The following GRIA4 variants were observed in gnomAD, a reference collection of about 807,000 sequenced individuals.
GRIA4 encodes the protein glutamate receptor 4.
A neutral mutation model predicts 104.0 loss-of-function variants in GRIA4; 34 were observed. That is an observed-to-expected ratio of 0.33 (90% CI 0.25 to 0.44). The LOEUF (loss-of-function observed/expected upper bound fraction) is 0.44, where lower values mean the gene tolerates loss of function less well. Among genes scored for constraint, GRIA4 ranks in the 20% least tolerant of loss-of-function variants. The pLI is 1.00. For missense variants in GRIA4, 750 were observed against 1,096.5 expected (o/e 0.68, Z 4.46); for synonymous variants, 386 against 381.9 (o/e 1.01, Z -0.13).
intron 3 of GRIA4, among the ~76,000 whole-genome samples, chr11:105,665,760 G>A (rs894950845): frequency 3.9e-5 from 6 of 152,010 alleles, no homozygotes; most frequent in Non-Finnish European, 2.9e-5. Context: ...GACCCCAGGA[G>A]CATTCAGATA....
intron 4 of GRIA4, among the ~76,000 whole-genome samples, chr11:105,787,044 C>T (rs890778060): frequency 4.3e-4 from 65 of 152,228 alleles, no homozygotes; most frequent in Admixed American, 5.9e-4. Context: ...TTAAACTTTA[C>T]GGTGATTTCC....
In GRIA4 at chr11:105,803,515, G is replaced by A. The variant is rs528395226; in HGVS notation, c.487+50295G>A. ...AAAGTTATTAATTATACATATTAATGTGAAAATTACATTACACTAAAAAGT... is the reference window on the plus strand; with the variant it reads ...AAAGTTATTAATTATACATATTAATATGAAAATTACATTACACTAAAAAGT... On this transcript the variant is annotated intron_variant, in intron 4 of 16. Transcript: ENST00000282499. Among the ~76,000 whole-genome samples, 334 of 151,974 alleles carry A rather than the reference G, an allele frequency of 2.2e-3. 1 individual carries two copies. The highest frequency in any genetic ancestry group is 4.1e-3 in the Non-Finnish European group (277 of 67,898).
chr11:105,763,101 T>C (rs74498667), intron 4 of GRIA4, among the ~76,000 whole-genome samples: 1,844 of 152,256 alleles, frequency 0.012, 41 homozygotes, highest in African/African-American at 0.042. Flanking sequence ...AAATATTAGG[T>C]TCAAAGGAGT....
At chr11:105,688,732 C>T (rs1952982264) in intron 3 of GRIA4, among the ~76,000 whole-genome samples, 1 of 152,066 alleles carries the variant, frequency 6.6e-6, no homozygotes, top group Non-Finnish European at 1.5e-5. Flanking sequence ...GTACAATTTA[C>T]CCATCATTCC....
At chr11:105,817,963 C>G (rs1591302370) in intron 4 of GRIA4, among the ~76,000 whole-genome samples, 2 of 151,686 alleles carry the variant, frequency 1.3e-5, no homozygotes, top group South Asian at 2.1e-4. Flanking sequence ...GAACACAGAG[C>G]AGAGATAAAA....
chr11:105,759,358 G>A (rs550609024), intron 4 of GRIA4, among the ~76,000 whole-genome samples: 2 of 152,036 alleles, frequency 1.3e-5, no homozygotes, highest in Non-Finnish European at 2.9e-5. Context: ...ATATAAATTC[G>A]TGATAGCTTA....
In GRIA4 at chr11:105,847,630, T is replaced by C. The variant is rs548112743; in HGVS notation, c.488-14394T>C. On this transcript the variant is annotated intron_variant, in intron 4 of 16. Transcript: ENST00000282499. Reference sequence around the variant, plus strand: ...AAGTGGCAGGATAAGACATTTTATTTTGAATGCTGAAAAATTTACAGAAAA... The same window carrying C: ...AAGTGGCAGGATAAGACATTTTATTCTGAATGCTGAAAAATTTACAGAAAA... Among the ~76,000 whole-genome samples, 121 of 152,320 alleles carry C rather than the reference T, an allele frequency of 7.9e-4. 1 individual carries two copies. Among genetic ancestry groups the C allele is most frequent in the Non-Finnish European group, 1.4e-3 (93 of 68,034 alleles).
intron 3 of GRIA4, among the ~76,000 whole-genome samples, chr11:105,662,538 G>GA (rs2135414815): frequency 6.6e-6 from 1 of 151,912 alleles, no homozygotes; most frequent in East Asian, 1.9e-4. Context: ...GACGAAAAAG[G>GA]AATCTGTCAA....
rs1942255750 is a variant in GRIA4 at position 105,792,459 on chromosome 11, T to C, written c.487+39239T>C. Among the ~76,000 whole-genome samples, 3 of 152,074 alleles carry C rather than the reference T, an allele frequency of 2.0e-5. No homozygotes were observed. The South Asian group carries it at 6.2e-4, about 31-fold the overall frequency. On this transcript the variant is annotated intron_variant, in intron 4 of 16. Coordinates refer to ENST00000282499, the MANE Select transcript of GRIA4 (RefSeq NM_000829.4). The stretch of plus-strand genomic sequence containing the variant: ...TAATTAAAATTTTTATATATTTGTA[T>C]TATAAGAAGCACCATTTCTTCAAGA...
At position 105,610,946 on chromosome 11, in the gene GRIA4, A is replaced by G; in HGVS notation, c.-52A>G. 9.4e-7 allele frequency: 1 copy of G among 1,067,896 alleles called. No individual in the cohort carries two copies. Among genetic ancestry groups the G allele is most frequent in the Non-Finnish European group, 1.4e-6 (1 of 691,420 alleles). 66.2% of individuals were successfully genotyped at this position (1,067,896 alleles called of 1,614,324 possible). A position where few individuals can be genotyped will look rare whatever the true frequency, so the allele number is the denominator to read the frequency against. On this transcript the variant is annotated 5_prime_UTR_variant, in exon 2 of 17. Transcript: ENST00000282499. ...AATGCTTCTCTGAACAGCCTTTAGG[A>G]AGAGTGCGAGAGAAAGAGAGAGAGC...
At chr11:105,637,406 A>G (rs1001617041) in intron 3 of GRIA4, among the ~76,000 whole-genome samples, 8 of 152,214 alleles carry the variant, frequency 5.3e-5, no homozygotes, top group Non-Finnish European at 1.2e-4. Flanking sequence ...CACTGGATTT[A>G]GTGCACATTG....
rs1940356401 is a variant in GRIA4, at chr11:105,757,100, C to T, written c.487+3880C>T. 2.0e-5 allele frequency among the ~76,000 whole-genome samples: 3 copies of T among 152,192 alleles called. No individual in the cohort carries two copies. The South Asian group carries it at 6.2e-4, about 31-fold the overall frequency. ...CAAGGGAGTCCAACTCTCTTCAGAG[C>T]ATCTCCTTTGGAGTCACTGCAACAT... On this transcript the variant is annotated intron_variant, in intron 4 of 16. Transcript: ENST00000282499.
At chr11:105,709,639 A>G (rs771765437) in intron 3 of GRIA4, among the ~76,000 whole-genome samples, 1 of 152,168 alleles carries the variant, frequency 6.6e-6, no homozygotes, top group African/African-American at 2.4e-5. Flanking sequence ...AGAAGGGTAC[A>G]GCATCACTTC....
intron 3 of GRIA4, among the ~76,000 whole-genome samples, chr11:105,738,823 A>C (rs1939119395): frequency 6.6e-6 from 1 of 151,966 alleles, no homozygotes. Context: ...GATCACTTAA[A>C]GGTAAAAATA....
At chr11:105,738,903 A>G (rs1939124952) in intron 3 of GRIA4, among the ~76,000 whole-genome samples, 1 of 150,382 alleles carries the variant, frequency 6.6e-6, no homozygotes, top group African/African-American at 2.4e-5. Flanking sequence ...GTTTCTTCAT[A>G]ATTGGAAGTT....
At chr11:105,964,784 G>GT (rs907549424) in intron 14 of GRIA4, among the ~76,000 whole-genome samples, 139 of 146,248 alleles carry the variant, frequency 9.5e-4, no homozygotes, top group Admixed American at 3.8e-3. Context: ...CCCATGACAT[G>GT]TTTTTTTTTG....
chr11:105,852,805 A>T (rs1332909687), intron 4 of GRIA4, among the ~76,000 whole-genome samples: 1 of 149,930 alleles, frequency 6.7e-6, no homozygotes, highest in African/African-American at 2.4e-5. Flanking sequence ...CCATAATTGT[A>T]TGCAAATCCT....
chr11:105,906,498 T>C (rs992931730), intron 9 of GRIA4, among the ~76,000 whole-genome samples: 4 of 151,936 alleles, frequency 2.6e-5, no homozygotes, highest in African/African-American at 9.7e-5. Flanking sequence ...AAAGTTAAGG[T>C]GATATATGGA....
At position 105,746,257 on chromosome 11, in the gene GRIA4, C is replaced by A. The variant is rs185038331; in HGVS notation, c.248-6724C>A. Among the ~76,000 whole-genome samples, 1,124 of 151,650 alleles carry A rather than the reference C, an allele frequency of 7.4e-3. 12 individuals are homozygous for A. Among genetic ancestry groups the A allele is most frequent in the Non-Finnish European group, 0.01 (710 of 67,878 alleles). The stretch of plus-strand genomic sequence containing the variant: ...TGAGATCATATAAAATGATACTATC[C>A]CTAAAAATATTATTGTGGTTTTTTA... On this transcript the variant is annotated intron_variant, in intron 3 of 16. Transcript: ENST00000282499.
Sources: allele counts gnomAD v4.1 joint callset (sites outside exome capture counted in the v4.1 genomes callset), GRCh38; gene constraint gnomAD v4.1.1; transcripts MANE v1.5; gene names NCBI Gene and HGNC (gene_info 2026-07-23, HGNC 2026-07-21).